The following HERC3 variants were observed in gnomAD, a reference collection of about 807,000 sequenced individuals.
HERC3 encodes probable E3 ubiquitin-protein ligase HERC3.
A neutral mutation model predicts 129.9 loss-of-function variants in HERC3; 58 were observed. That is an observed-to-expected ratio of 0.45 (90% CI 0.36 to 0.56). HERC3 has a LOEUF of 0.56. Among genes scored for constraint, HERC3 ranks in the 20% least tolerant of loss-of-function variants. The probability of loss-of-function intolerance (pLI) is 0.00; values close to 1 mark genes in which losing one functional copy is unlikely to be tolerated. For missense variants in HERC3, 835 were observed against 1,244.2 expected, an observed-to-expected ratio of 0.67 and a Z score of 4.95; for synonymous variants, 430 against 451.0, an observed-to-expected ratio of 0.95 and a Z score of 0.59.
At chr4:88,547,251 A>AT in the HERC3 span, among the ~76,000 whole-genome samples, 1 of 152,082 alleles carries the variant, frequency 6.6e-6, no homozygotes, top group Non-Finnish European at 1.5e-5. Flanking sequence ...TTGTCTTACA[A>AT]TTTTTTGGAT....
In HERC3 at chr4:88,659,555, C is replaced by T. The variant is rs112086923; in HGVS notation, c.1146+1064C>T. On this transcript the variant is annotated intron_variant, in intron 10 of 25. Transcript: ENST00000402738. ...AAGGTGGCTTAGTGCTACCATCTGG[C>T]GTGATTTGGAACTGCTGCCCTAGAC... Among the ~76,000 whole-genome samples the T allele has an allele frequency of 1.9e-3, 286 of 152,272 alleles. 2 individuals carry two copies. The highest frequency in any genetic ancestry group is 1.8e-3 in the African/African-American group (75 of 41,554).
the HERC3 span, among the ~76,000 whole-genome samples, chr4:88,551,937 T>C: frequency 6.6e-6 from 1 of 152,136 alleles, no homozygotes; most frequent in Admixed American, 6.5e-5. Flanking sequence ...ATATACACCA[T>C]GGAATACTAT....
chr4:88,648,020 A>C (rs542770855), intron 3 of HERC3, among the ~76,000 whole-genome samples: 6 of 152,256 alleles, frequency 3.9e-5, no homozygotes, highest in African/African-American at 1.4e-4. Flanking sequence ...AAATTTGACA[A>C]TTATTAACTA....
intron 23 of HERC3, among the ~76,000 whole-genome samples, chr4:88,698,168 T>C (rs375247772): frequency 1.3e-5 from 2 of 152,310 alleles, no homozygotes; most frequent in East Asian, 3.9e-4. Context: ...CTTCTACAAA[T>C]GCCAGTGCAT....
intron 21 of HERC3, 126 bp downstream of exon 21, chr4:88,681,451 G>A (rs1732765945): frequency 5.2e-6 from 4 of 766,828 alleles, no homozygotes; most frequent in Non-Finnish European, 8.4e-6. Flanking sequence ...ACCCTGTTAT[G>A]TGTGTTTTGT....
At position 88,655,162 on chromosome 4, in the gene HERC3, G is replaced by T; in HGVS notation, c.778-12G>T. 1 of 1,613,578 alleles carries T rather than the reference G, an allele frequency of 6.2e-7. No homozygotes were observed. Among genetic ancestry groups the T allele is most frequent in the South Asian group, 1.1e-5 (1 of 91,058 alleles). ...GATACAGTGAAGTCCTATGGTGTTT[G>T]TTCCTTGTTAGAGTGGAGGTGTGTT... On this transcript the variant is annotated splice_polypyrimidine_tract_variant and intron_variant, in intron 7 of 25. Transcript: ENST00000402738.
At chr4:88,535,811 T>A in the HERC3 span, among the ~76,000 whole-genome samples, 6 of 152,206 alleles carry the variant, frequency 3.9e-5, no homozygotes, top group Admixed American at 3.9e-4. Flanking sequence ...CACTTAAGTT[T>A]CCAATACAAG....
At chr4:88,537,641 CA>C in the HERC3 span, among the ~76,000 whole-genome samples, 1 of 152,178 alleles carries the variant, frequency 6.6e-6, no homozygotes, top group African/African-American at 2.4e-5. Context: ...GAAGGCTAAA[CA>C]AAAGAGAGAC....
At chr4:88,566,022 A>T in the HERC3 span, among the ~76,000 whole-genome samples, 1 of 151,502 alleles carries the variant, frequency 6.6e-6, no homozygotes. Flanking sequence ...TAGGTTTGTT[A>T]CATAGGTAAA....
chr4:88,576,922 TC>T, the HERC3 span, among the ~76,000 whole-genome samples: 1 of 152,206 alleles, frequency 6.6e-6, no homozygotes, highest in African/African-American at 2.4e-5. Flanking sequence ...GAAACTTTTG[TC>T]GTTATTTCTC....
At chr4:88,588,332 G>A (rs755655746), upstream of HERC3, among the ~76,000 whole-genome samples, 3 of 152,110 alleles carry the variant, frequency 2.0e-5, no homozygotes, top group Non-Finnish European at 2.9e-5. Context: ...TTTATTCTAA[G>A]TTGTTTCATA....
intron 23 of HERC3, chr4:88,690,753 C>A (rs779492121): frequency 2.4e-4 from 75 of 308,104 alleles, no homozygotes; most frequent in Non-Finnish European, 3.3e-4. Context: ...TGTTCTCTTT[C>A]TGAGTCTGAA....
At chr4:88,634,040 T>G (rs1727075424) in intron 3 of HERC3, among the ~76,000 whole-genome samples, 1 of 151,770 alleles carries the variant, frequency 6.6e-6, no homozygotes. Flanking sequence ...CCAGGTTTGG[T>G]CATTAGGACT....
At chr4:88,559,409 T>C in the HERC3 span, among the ~76,000 whole-genome samples, 64 of 152,344 alleles carry the variant, frequency 4.2e-4, no homozygotes, top group Non-Finnish European at 4.4e-4. Flanking sequence ...ATATATGTTG[T>C]ATCCTCTGAA....
chr4:88,543,061 C>T, the HERC3 span, among the ~76,000 whole-genome samples: 1 of 152,142 alleles, frequency 6.6e-6, no homozygotes, highest in African/African-American at 2.4e-5. Context: ...CACTCCTATT[C>T]AACATAGTGT....
the HERC3 span, among the ~76,000 whole-genome samples, chr4:88,575,403 A>G: frequency 6.6e-6 from 1 of 152,244 alleles, no homozygotes; most frequent in African/African-American, 2.4e-5. Context: ...GTCAAAGCTG[A>G]CAAGCATCAA....
At chr4:88,552,143 G>A in the HERC3 span, among the ~76,000 whole-genome samples, 2 of 151,054 alleles carry the variant, frequency 1.3e-5, no homozygotes, top group African/African-American at 4.9e-5. Context: ...GTGGGGTGGG[G>A]GGAGGCGGGA....
the HERC3 span, among the ~76,000 whole-genome samples, chr4:88,579,709 T>C: frequency 6.6e-6 from 1 of 152,174 alleles, no homozygotes; most frequent in Non-Finnish European, 1.5e-5. Context: ...AAGATATCTA[T>C]GTCCTAATCC....
intron 2 of HERC3, among the ~76,000 whole-genome samples, chr4:88,604,914 T>G (rs1366297321): frequency 1.3e-5 from 2 of 152,206 alleles, no homozygotes; most frequent in Non-Finnish European, 2.9e-5. Context: ...CTGGCCATCA[T>G]TGTGGTGTGA....
Sources: gnomAD v4.1 joint callset for allele counts (sites outside exome capture counted in the v4.1 genomes callset) on GRCh38, gnomAD v4.1.1 for gene constraint, MANE v1.5 for transcripts, NCBI Gene and HGNC (gene_info 2026-07-23, HGNC 2026-07-21) for gene names.